The following CHP1 variants were observed in gnomAD, a reference collection of about 807,000 sequenced individuals.
CHP1 encodes calcineurin B homologous protein 1.
In CHP1, 11 loss-of-function variants were observed where a neutral mutation model predicts 27.4. The observed-to-expected ratio is 0.40, with a 90% CI of 0.25 to 0.67. CHP1 has a LOEUF of 0.67. CHP1 is among the 30% of genes least tolerant of loss of function. CHP1 has a pLI of 0.38. For synonymous variants in CHP1, 89 were observed against 87.4 expected, an observed-to-expected ratio of 1.02 and a Z score of -0.10; for missense variants, 169 against 251.3, an observed-to-expected ratio of 0.67 and a Z score of 2.22.
At chr15:41,271,254 C>CA (rs143070752) in intron 5 of CHP1, among the ~76,000 whole-genome samples, 1,810 of 75,230 alleles carry the variant, frequency 0.024, 46 homozygotes, top group African/African-American at 0.06. Flanking sequence ...GATTCCGTCT[C>CA]AAAAAAAAAA....
Position 41,256,997 on chromosome 15 carries a change from C to A in CHP1, c.221+7C>A. 6.2e-7 allele frequency: 1 copy of A among 1,610,356 alleles called. No homozygotes were observed. Among genetic ancestry groups the A allele is most frequent in the South Asian group, 1.1e-5 (1 of 90,946 alleles). ...ATGCCTTCTTTCCAGAGGGGTGAGT[C>A]AGTACAGTTGTTGGACTTCCTTCCT... On this transcript the variant is annotated splice_region_variant and intron_variant, in intron 3 of 6. Coordinates refer to ENST00000334660, the MANE Select transcript of CHP1 (RefSeq NM_007236.5).
intron 5 of CHP1, among the ~76,000 whole-genome samples, chr15:41,275,924 G>A (rs962090219): frequency 3.3e-5 from 5 of 152,056 alleles, no homozygotes; most frequent in East Asian, 1.9e-4. Flanking sequence ...CACCATGCCC[G>A]GCCCATGAAA....
chr15:41,243,637 C>T (rs746133512), intron 1 of CHP1, 30 bp from the exon 2 acceptor site: 157 of 1,607,386 alleles, frequency 9.8e-5, no homozygotes, highest in Non-Finnish European at 1.3e-4. Flanking sequence ...GCTACTTCCC[C>T]CGAGCTGGGA....
rs536466816 is a variant in CHP1, at chr15:41,237,279, TG to T, written c.67+5833del. On this transcript the variant is annotated intron_variant, in intron 1 of 6. Transcript: ENST00000334660. ...CTCCTGCCTCAGCCTCCCAAGTAGCTGGGATTACAGGCATGTGCCACCACGC... is the reference window on the plus strand; with the variant it reads ...CTCCTGCCTCAGCCTCCCAAGTAGCTGGATTACAGGCATGTGCCACCACGC... 4.4e-3 allele frequency among the ~76,000 whole-genome samples: 676 copies of T among 152,104 alleles called. 11 individuals are homozygous for T. The highest frequency in any genetic ancestry group is 0.015 in the African/African-American group (628 of 41,496).
intron 1 of CHP1, among the ~76,000 whole-genome samples, chr15:41,236,424 G>A (rs1185232354): frequency 1.3e-5 from 2 of 151,942 alleles, no homozygotes; most frequent in African/African-American, 4.8e-5. Flanking sequence ...ACCACGCCTG[G>A]CTAATTTTTT....
chr15:41,264,430 G>T (rs2140937910), intron 4 of CHP1, among the ~76,000 whole-genome samples: 1 of 152,122 alleles, frequency 6.6e-6, no homozygotes, highest in South Asian at 2.1e-4. Flanking sequence ...GTTATGCTTG[G>T]TTTTATTTTG....
At chr15:41,277,586 G>C (rs1046190219) in intron 5 of CHP1, among the ~76,000 whole-genome samples, 1 of 152,048 alleles carries the variant, frequency 6.6e-6, no homozygotes, top group African/African-American at 2.4e-5. Context: ...TCAGGAGTTC[G>C]AGACCAGCCT....
chr15:41,279,807 T>G lies in CHP1; in HGVS notation c.*418T>G, dbSNP rs1310215615. 1 of 166,696 alleles carries G rather than the reference T, an allele frequency of 6.0e-6. No homozygotes were observed. Among genetic ancestry groups the G allele is most frequent in the Non-Finnish European group, 1.3e-5 (1 of 77,946 alleles). 10.3% of individuals were successfully genotyped at this position (166,696 alleles called of 1,614,324 possible). ...ATGCTTCTTCATCCTTTTTATATGT[T>G]CTTTGCTTCCTACTTCCCTGTCTTC... is the stretch of plus-strand genomic sequence containing the variant. On this transcript the variant is annotated 3_prime_UTR_variant, in exon 7 of 7. Transcript: ENST00000334660.
chr15:41,272,903 A>G (rs549393693), intron 5 of CHP1, among the ~76,000 whole-genome samples: 1 of 152,114 alleles, frequency 6.6e-6, no homozygotes, highest in African/African-American at 2.4e-5. Context: ...TAAAAATACA[A>G]AAAATTAGCC....
intron 5 of CHP1, among the ~76,000 whole-genome samples, chr15:41,272,778 G>T (rs990972038): frequency 8.5e-5 from 13 of 152,152 alleles, no homozygotes; most frequent in African/African-American, 3.1e-4. Flanking sequence ...GCCAGGCGCA[G>T]TGGCTCATGC....
chr15:41,231,612 G>T (rs574283700), intron 1 of CHP1, among the ~76,000 whole-genome samples, 163 bp downstream of exon 1: 1 of 152,222 alleles, frequency 6.6e-6, no homozygotes. Flanking sequence ...TCTTCCAGCT[G>T]CAGCTTCCTG....
In CHP1 at chr15:41,251,220, C is replaced by G. The variant is rs183355967; in HGVS notation, c.141-5690C>G. On this transcript the variant is annotated intron_variant, in intron 2 of 6. Coordinates refer to ENST00000334660, the MANE Select transcript of CHP1 (RefSeq NM_007236.5). Reference sequence around the variant, plus strand: ...AGCATTGGACATGATAAATTTTCACCAAGGGAAGACTATCCAGCCTCCAGA... The same window carrying G: ...AGCATTGGACATGATAAATTTTCACGAAGGGAAGACTATCCAGCCTCCAGA... Among the ~76,000 whole-genome samples, 5 of 152,164 alleles carry G rather than the reference C, an allele frequency of 3.3e-5. No individual in the cohort carries two copies. The South Asian group carries it at 1.0e-3, about 32-fold the overall frequency.
At chr15:41,255,676 T>C (rs891608287) in intron 2 of CHP1, among the ~76,000 whole-genome samples, 1 of 151,446 alleles carries the variant, frequency 6.6e-6, no homozygotes. Context: ...CTCAAAAAAA[T>C]AAAAATAAAG....
intron 1 of CHP1, among the ~76,000 whole-genome samples, chr15:41,236,395 G>C (rs1413088584): frequency 6.6e-6 from 1 of 152,078 alleles, no homozygotes; most frequent in Non-Finnish European, 1.5e-5. Context: ...CTGAGTAGCT[G>C]GGACTACAGG....
chr15:41,248,508 C>A (rs2047347774), intron 2 of CHP1, among the ~76,000 whole-genome samples: 1 of 152,174 alleles, frequency 6.6e-6, no homozygotes, highest in Non-Finnish European at 1.5e-5. Flanking sequence ...TCCATCAGTC[C>A]TCCCGCCATG....
chr15:41,243,810 T>C (rs2047319482), intron 2 of CHP1, 71 bp downstream of exon 2: 1 of 1,329,298 alleles, frequency 7.5e-7, no homozygotes, highest in South Asian at 1.2e-5. Flanking sequence ...ATAGCTGCCT[T>C]TATCCCTAGG....
At chr15:41,248,121 C>CCAGA (rs2047345824) in intron 2 of CHP1, among the ~76,000 whole-genome samples, 1 of 152,120 alleles carries the variant, frequency 6.6e-6, no homozygotes, top group South Asian at 2.1e-4. Context: ...CTATGATGTG[C>CCAGA]CAGACACTGT....
chr15:41,247,132 G>C (rs577909790), intron 2 of CHP1, among the ~76,000 whole-genome samples: 1 of 152,154 alleles, frequency 6.6e-6, no homozygotes, highest in African/African-American at 2.4e-5. Flanking sequence ...ACTTTGGGAG[G>C]CCAAGGCAGG....
intron 2 of CHP1, among the ~76,000 whole-genome samples, chr15:41,251,904 G>T (rs2047369431): frequency 6.6e-6 from 1 of 150,906 alleles, no homozygotes; most frequent in South Asian, 2.1e-4. Flanking sequence ...CACTATGCCT[G>T]GCTTATTTTG....
Sources: allele counts gnomAD v4.1 joint callset (sites outside exome capture counted in the v4.1 genomes callset), GRCh38; gene constraint gnomAD v4.1.1; transcripts MANE v1.5; gene names NCBI Gene and HGNC (gene_info 2026-07-23, HGNC 2026-07-21).